COL8A1: variants seen among roughly 807,000 people sequenced by gnomAD.
COL8A1 encodes the protein collagen alpha-1(VIII) chain.
In COL8A1, 21 loss-of-function variants were observed where a neutral mutation model predicts 42.7. The ratio of observed to expected loss-of-function variants is 0.49; its 90% confidence interval spans 0.35 to 0.71. COL8A1 has a LOEUF of 0.71. Among genes scored for constraint, COL8A1 ranks in the 30% least tolerant of loss-of-function variants. The pLI is 0.01. For missense variants in COL8A1, 788 were observed against 962.4 expected (o/e 0.82, Z 2.40); for synonymous variants, 367 against 369.1 (o/e 0.99, Z 0.06).
At chr3:99,678,281 T>A (rs575221273) in intron 1 of COL8A1, 1 of 152,124 alleles carries the variant, frequency 6.6e-6, no homozygotes, top group African/African-American at 2.4e-5. Flanking sequence ...GGCTGAGTCA[T>A]TGGCCAGTGA....
intron 2 of COL8A1, among the ~76,000 whole-genome samples, chr3:99,776,141 C>T (rs966239314): frequency 2.6e-5 from 4 of 152,204 alleles, no homozygotes; most frequent in Non-Finnish European, 4.4e-5. Flanking sequence ...CAGTGTCCCA[C>T]TGTGGCCTCT....
At chr3:99,760,813 G>C (rs1487070230) in intron 2 of COL8A1, among the ~76,000 whole-genome samples, 1 of 152,202 alleles carries the variant, frequency 6.6e-6, no homozygotes, top group Admixed American at 6.6e-5. Context: ...TCAGCACAGA[G>C]GGTAGGCAGC....
At chr3:99,691,376 G>T (rs1939214194) in intron 1 of COL8A1, 1 of 151,988 alleles carries the variant, frequency 6.6e-6, no homozygotes, top group Non-Finnish European at 1.5e-5. Flanking sequence ...TGTGAGCTTG[G>T]GTAAATCACT....
At chr3:99,713,750 T>C (rs751944751) in intron 1 of COL8A1, among the ~76,000 whole-genome samples, 2 of 151,366 alleles carry the variant, frequency 1.3e-5, no homozygotes, top group East Asian at 3.9e-4. Flanking sequence ...TGGCTTACCG[T>C]TTAAGAGTAT....
chr3:99,712,774 C>T (rs539819633), intron 1 of COL8A1, among the ~76,000 whole-genome samples: 17 of 152,152 alleles, frequency 1.1e-4, no homozygotes, highest in Middle Eastern at 3.4e-3. Context: ...CCTGGCTTGC[C>T]CAGGTCTCTC....
rs531195890 is a variant in COL8A1, at chr3:99,704,859, G to T, written c.-128-40038G>T. ...CACTGATAAAGCTGGAGTTTTAATT[G>T]ATTTGAGAGAGGAGAGGCTGAGCCA... On this transcript the variant is annotated intron_variant, in intron 1 of 3. Coordinates refer to ENST00000652472, the MANE Select transcript of COL8A1 (RefSeq NM_020351.4). 2.0e-5 allele frequency among the ~76,000 whole-genome samples: 3 copies of T among 152,262 alleles called. No individual in the cohort carries two copies. In the South Asian group the frequency reaches 6.2e-4, roughly 32 times the overall value.
chr3:99,673,138 A>T (rs1938594945), intron 1 of COL8A1, among the ~76,000 whole-genome samples: 1 of 151,962 alleles, frequency 6.6e-6, no homozygotes, highest in African/African-American at 2.4e-5. Context: ...AGAACTTTTG[A>T]CCTACGATTT....
At chr3:99,685,704 A>G (rs1344081808) in intron 1 of COL8A1, among the ~76,000 whole-genome samples, 1 of 152,228 alleles carries the variant, frequency 6.6e-6, no homozygotes, top group East Asian at 1.9e-4. Context: ...TCCTCTGGAT[A>G]CTAAAAGCCT....
intron 1 of COL8A1, among the ~76,000 whole-genome samples, chr3:99,707,836 G>T (rs1267434040): frequency 6.6e-6 from 1 of 152,106 alleles, no homozygotes; most frequent in East Asian, 1.9e-4. Flanking sequence ...TGCAGATACT[G>T]CTCTAAGAGC....
In COL8A1 at chr3:99,794,402, G is replaced by C; in HGVS notation, c.501G>C (p.Gly167=). ...VGKPGMPGMP[G]KPGAMGMPGA... ...AGCCAGGTATGCCTGGAATGCCAGG[G>C]AAGCCAGGAGCCATGGGCATGCCTG... Residue 167 remains glycine (G), a synonymous_variant, in exon 4 of 4, where the codon GGG becomes GGC. Coordinates refer to ENST00000652472, the MANE Select transcript of COL8A1 (RefSeq NM_020351.4). The surrounding 1 kb of genome is among the most constrained non-coding windows in gnomAD (Gnocchi z 4.3). The C allele has an allele frequency of 6.2e-7, 1 of 1,613,956 alleles. No individual in the cohort carries two copies. Among genetic ancestry groups the C allele is most frequent in the Non-Finnish European group, 8.5e-7 (1 of 1,179,926 alleles).
At position 99,790,925 on chromosome 3, in the gene COL8A1, A is replaced by G; in HGVS notation, c.243A>G (p.Lys81=). 1 of 1,614,234 alleles carries G rather than the reference A, an allele frequency of 6.2e-7. No homozygotes were observed. Among genetic ancestry groups the G allele is most frequent in the Non-Finnish European group, 8.5e-7 (1 of 1,180,012 alleles). The stretch of plus-strand genomic sequence containing the variant: ...AGATGCCCCACTTGCAGTATGGCAA[A>G]GAGTATCCACACCTACCCCAATATA... ...GKEMPHLQYG[K]EYPHLPQYMK... is the part of the protein sequence containing the mutation. The change falls in exon 3 of 4, where the codon AAA becomes AAG. Residue 81 remains lysine, a synonymous_variant. Coordinates refer to ENST00000652472, the MANE Select transcript of COL8A1 (RefSeq NM_020351.4).
Position 99,794,836 on chromosome 3 carries a change from TA to T in COL8A1, c.936del (p.Gly314GlufsTer67), listed in dbSNP as rs774431531. 3 of 1,612,170 alleles carry T rather than the reference TA, an allele frequency of 1.9e-6. No homozygotes were observed. Among genetic ancestry groups the T allele is most frequent in the Non-Finnish European group, 2.5e-6 (3 of 1,179,108 alleles). On this transcript the variant is annotated frameshift_variant, in exon 4 of 4. Transcript: ENST00000652472. LOFTEE classifies it high-confidence loss of function. This position sits in a 1 kb window ranked among gnomAD's most constrained non-coding sequence, Gnocchi z 4.3. Reference sequence around the variant, plus strand: ...CCGGGGGTTCAAGGACCTCCTGGGATACCCGGAATTGGAAAGCCAGGCCAGG... The same window carrying T: ...CCGGGGGTTCAAGGACCTCCTGGGATCCCGGAATTGGAAAGCCAGGCCAGG... ...GVPGVQGPPG[I>X]PGIGKPGQDG...
At chr3:99,740,055 T>A (rs1940854613) in intron 1 of COL8A1, among the ~76,000 whole-genome samples, 1 of 152,218 alleles carries the variant, frequency 6.6e-6, no homozygotes, top group Non-Finnish European at 1.5e-5. Flanking sequence ...TGTGCCAGTC[T>A]CTTTGCTGAA....
chr3:99,694,754 G>T (rs1206298773), intron 1 of COL8A1, among the ~76,000 whole-genome samples: 2 of 152,158 alleles, frequency 1.3e-5, no homozygotes, highest in Non-Finnish European at 2.9e-5. Context: ...TAAGATTGCA[G>T]GGCTTTATTG....
At chr3:99,742,895 TAGA>T (rs1191486811) in intron 1 of COL8A1, among the ~76,000 whole-genome samples, 9 of 152,184 alleles carry the variant, frequency 5.9e-5, no homozygotes, top group South Asian at 4.1e-4. Context: ...AATGAATTTT[TAGA>T]AGAAGAAGAA....
intron 1 of COL8A1, among the ~76,000 whole-genome samples, chr3:99,723,451 T>TAAAACA (rs896243226): frequency 6.6e-6 from 1 of 152,128 alleles, no homozygotes; most frequent in African/African-American, 2.4e-5. Context: ...TATTGCCCCT[T>TAAAACA]AAAACAAAAA....
Position 99,796,333 on chromosome 3 carries a change from T to C in COL8A1, c.*197T>C. 1 of 465,432 alleles carries C rather than the reference T, an allele frequency of 2.1e-6. No individual in the cohort carries two copies. The highest frequency in any genetic ancestry group is 3.8e-6 in the Non-Finnish European group (1 of 265,132). The allele number at this position is 465,432 out of a possible 1,614,324, so 28.8% of individuals were successfully genotyped here. A position where few individuals can be genotyped will look rare whatever the true frequency, so the allele number is the denominator to read the frequency against. On this transcript the variant is annotated 3_prime_UTR_variant, in exon 4 of 4. Coordinates refer to ENST00000652472, the MANE Select transcript of COL8A1 (RefSeq NM_020351.4). ...AATACTCCACACAGCAGCCTGTAAT[T>C]GCGAATGATGGGATAGAGTTATGTA... is the stretch of plus-strand genomic sequence containing the variant.
At chr3:99,743,035 T>C in intron 1 of COL8A1, among the ~76,000 whole-genome samples, 1 of 152,226 alleles carries the variant, frequency 6.6e-6, no homozygotes, top group East Asian at 1.9e-4. Flanking sequence ...AGGTGCTCAA[T>C]AAATATTTAT....
chr3:99,714,088 T>A (rs62283465), intron 1 of COL8A1, among the ~76,000 whole-genome samples: 11,754 of 152,124 alleles, frequency 0.077, 569 homozygotes, highest in Middle Eastern at 0.11. Flanking sequence ...AATTCAGACT[T>A]CCATGTTTTA....
Sources: allele counts gnomAD v4.1 joint callset (sites outside exome capture counted in the v4.1 genomes callset), GRCh38; gene constraint gnomAD v4.1.1; non-coding constraint Gnocchi (gnomAD v3.1); transcripts MANE v1.5; gene names NCBI Gene and HGNC (gene_info 2026-07-23, HGNC 2026-07-21).